The following ZDHHC7 variants were observed in gnomAD, a reference collection of about 807,000 sequenced individuals.
The protein encoded by ZDHHC7 is zDHHC palmitoyltransferase 7.
ZDHHC7 carries 12 observed loss-of-function variants against 34.1 expected under a neutral mutation model. The ratio of observed to expected loss-of-function variants is 0.35; its 90% CI spans 0.23 to 0.57. ZDHHC7 has a LOEUF of 0.57. ZDHHC7 is among the 20% of genes least tolerant of loss of function. The pLI, the probability that ZDHHC7 is intolerant of heterozygous loss-of-function variation, is 0.84. For synonymous variants in ZDHHC7, 185 were observed against 155.4 expected (o/e 1.19, Z -1.42); for missense variants, 388 against 402.7 (o/e 0.96, Z 0.31).
chr16:84,976,450 C>G lies in ZDHHC7; in HGVS notation c.820G>C (p.Val274Leu), dbSNP rs1355993027. 2 of 1,614,138 alleles carry G rather than the reference C, an allele frequency of 1.2e-6. No individual in the cohort carries two copies. The highest frequency in any genetic ancestry group is 2.2e-5 in the East Asian group (1 of 44,878). Reference sequence around the variant, plus strand: ...AGGAGTGAGGGGGGCCCCCCAAAGACGGACTTCATCCCTTCCCATCGCAGC... The same window carrying G: ...AGGAGTGAGGGGGGCCCCCCAAAGAGGGACTTCATCCCTTCCCATCGCAGC... ...RRLRWEGMKS[V>L]FGGPPSLLWM... Residue 274 changes from valine (V) to leucine (L), a missense_variant, in exon 8 of 8, where the codon GTC (valine) becomes CTC (leucine). By Grantham distance (32) the Val-to-Leu change is conservative. Transcript: ENST00000313732.
chr16:85,002,542 T>G (rs1019068872), intron 1 of ZDHHC7, among the ~76,000 whole-genome samples: 1 of 152,036 alleles, frequency 6.6e-6, no homozygotes, highest in African/African-American at 2.4e-5. Context: ...TGCTCCCAAG[T>G]GCCAGTCATC....
chr16:85,024,776 C>T, the ZDHHC7 span, among the ~76,000 whole-genome samples: 9 of 152,338 alleles, frequency 5.9e-5, no homozygotes, highest in African/African-American at 2.2e-4. Flanking sequence ...ACCCCTACTC[C>T]TGTGCAGATC....
At chr16:85,002,494 G>A (rs1250563514) in intron 1 of ZDHHC7, among the ~76,000 whole-genome samples, 1 of 152,084 alleles carries the variant, frequency 6.6e-6, no homozygotes, top group African/African-American at 2.4e-5. Flanking sequence ...AGTCCCAAGA[G>A]AAGAGCATCC....
intron 1 of ZDHHC7, among the ~76,000 whole-genome samples, 170 bp downstream of exon 1, chr16:85,011,116 A>G (rs372360870): frequency 2.0e-5 from 3 of 152,228 alleles, no homozygotes; most frequent in South Asian, 2.1e-4. Context: ...CTGGAAGGGA[A>G]GTCAGGTGCG....
chr16:85,019,066 C>A, the ZDHHC7 span, among the ~76,000 whole-genome samples: 1 of 152,176 alleles, frequency 6.6e-6, no homozygotes, highest in African/African-American at 2.4e-5. Context: ...GTGGGCCACT[C>A]ACTGAGTGCC....
intron 1 of ZDHHC7, among the ~76,000 whole-genome samples, chr16:85,007,687 A>C (rs979756276): frequency 1.3e-5 from 2 of 152,056 alleles, no homozygotes; most frequent in African/African-American, 4.8e-5. Context: ...ATTCGAAGAC[A>C]TTTTAGTTAA....
At chr16:84,996,730 T>TA (rs1316911827) in intron 1 of ZDHHC7, among the ~76,000 whole-genome samples, 1 of 151,850 alleles carries the variant, frequency 6.6e-6, no homozygotes, top group Non-Finnish European at 1.5e-5. Context: ...AGCTCCATTA[T>TA]AAAAAAAGAA....
chr16:84,995,172 A>G (rs1385880144), intron 2 of ZDHHC7, among the ~76,000 whole-genome samples: 1 of 152,232 alleles, frequency 6.6e-6, no homozygotes, highest in Non-Finnish European at 1.5e-5. Context: ...CAGATGCCCC[A>G]GCATCACTCT....
At chr16:84,983,651 T>A (rs544055759) in intron 3 of ZDHHC7, among the ~76,000 whole-genome samples, 62 of 152,310 alleles carry the variant, frequency 4.1e-4, no homozygotes, top group African/African-American at 1.5e-3. Context: ...GCTGCCTCCT[T>A]AAAGAAGTTA....
chr16:85,026,395 C>G, the ZDHHC7 span, among the ~76,000 whole-genome samples: 3 of 152,132 alleles, frequency 2.0e-5, no homozygotes, highest in Admixed American at 6.5e-5. Context: ...ACTGAATTCA[C>G]ACCAAGCTGG....
At chr16:84,980,963 C>T (rs2072359973) in intron 4 of ZDHHC7, among the ~76,000 whole-genome samples, 1 of 152,156 alleles carries the variant, frequency 6.6e-6, no homozygotes, top group Non-Finnish European at 1.5e-5. Flanking sequence ...CAGTCAGCAC[C>T]CTGTATCTGG....
chr16:85,000,065 C>T (rs771634258), intron 1 of ZDHHC7, among the ~76,000 whole-genome samples: 23 of 151,718 alleles, frequency 1.5e-4, no homozygotes, highest in Non-Finnish European at 2.9e-4. Context: ...GCTTGAGTCT[C>T]GGAGGTCGAG....
At position 84,976,502 on chromosome 16, in the gene ZDHHC7, T is replaced by G; in HGVS notation, c.768A>C (p.Lys256Asn). 1 of 1,613,560 alleles carries G rather than the reference T, an allele frequency of 6.2e-7. No homozygotes were observed. Among genetic ancestry groups the G allele is most frequent in the African/African-American group, 1.3e-5 (1 of 74,982 alleles). Reference sequence around the variant, plus strand: ...TCCGCTCCCATGTGGGCTTCTCACTTTTCAATCGCTCGATCTCCTGGAAGC... The same window carrying G: ...TCCGCTCCCATGTGGGCTTCTCACTGTTCAATCGCTCGATCTCCTGGAAGC... ...CNDETEIERL[K>N]SEKPTWERRL... The change falls in exon 8 of 8, where the codon AAA (lysine) becomes AAC (asparagine). Residue 256 changes from lysine to asparagine, a missense_variant. Physicochemically the swap from Lys to Asn is moderately conservative, Grantham distance 94. Coordinates refer to ENST00000313732, the MANE Select transcript of ZDHHC7 (RefSeq NM_017740.3).
At chr16:85,019,057 T>C in the ZDHHC7 span, among the ~76,000 whole-genome samples, 1 of 152,296 alleles carries the variant, frequency 6.6e-6, no homozygotes, top group South Asian at 2.1e-4. Flanking sequence ...AAGCCTTGTG[T>C]GGGCCACTCA....
intron 1 of ZDHHC7, among the ~76,000 whole-genome samples, chr16:84,998,074 T>TAAC (rs1286202193): frequency 7.9e-4 from 118 of 148,486 alleles, no homozygotes; most frequent in African/African-American, 2.9e-3. Context: ...ACCTAGCTAC[T>TAAC]AACACGGTGA....
chr16:84,985,184 C>T (rs1156489085), intron 3 of ZDHHC7, among the ~76,000 whole-genome samples: 1 of 152,256 alleles, frequency 6.6e-6, no homozygotes, highest in East Asian at 1.9e-4. Flanking sequence ...GAGGTGCTCC[C>T]TGATTGGCTG....
At chr16:84,996,579 C>T (rs9933301) in intron 1 of ZDHHC7, among the ~76,000 whole-genome samples, 70,399 of 151,746 alleles carry the variant, frequency 0.46, 20,008 homozygotes, top group African/African-American at 0.81. Context: ...CTGGCACTAA[C>T]ATGACCCAAG....
At chr16:85,026,093 A>G in the ZDHHC7 span, among the ~76,000 whole-genome samples, 2 of 152,200 alleles carry the variant, frequency 1.3e-5, no homozygotes, top group Non-Finnish European at 2.9e-5. Flanking sequence ...TCTGCATGAT[A>G]TTCCCCTAAA....
rs1567490584 is a variant in ZDHHC7 at position 84,976,514 on chromosome 16, GA to G, written c.755del (p.Ile252ThrfsTer4). On this transcript the variant is annotated frameshift_variant, in exon 8 of 8. Transcript: ENST00000313732. LOFTEE classifies it high-confidence loss of function. ...TGGGCTTCTCACTTTTCAATCGCTC[GA>G]TCTCCTGGAAGCAGAAAGAAAAGCA... ...IHSICNDETE[I>X]ERLKSEKPTW... The G allele has an allele frequency of 6.2e-7, 1 of 1,613,242 alleles. No individual in the cohort carries two copies. Among genetic ancestry groups the G allele is most frequent in the South Asian group, 1.1e-5 (1 of 91,028 alleles).
Sources: gnomAD v4.1 joint callset for allele counts (sites outside exome capture counted in the v4.1 genomes callset) on GRCh38, gnomAD v4.1.1 for gene constraint, MANE v1.5 for transcripts, NCBI Gene and HGNC (gene_info 2026-07-23, HGNC 2026-07-21) for gene names.